GTF2H1: variants seen among roughly 807,000 people sequenced by gnomAD.
GTF2H1 encodes BTF2 p62.
In GTF2H1, 16 loss-of-function variants were observed where a neutral mutation model predicts 71.2. The ratio of observed to expected loss-of-function variants is 0.22; its 90% confidence interval spans 0.15 to 0.34. The LOEUF is 0.34. Ranked by LOEUF, GTF2H1 falls within the 10% of genes least tolerant of loss-of-function variation. GTF2H1 has a pLI of 1.00. For synonymous variants in GTF2H1, 215 were observed against 219.0 expected (o/e 0.98, Z 0.16); for missense variants, 498 against 648.2 (o/e 0.77, Z 2.52).
chr11:18,335,859 AAG>A lies in GTF2H1; in HGVS notation c.263_264del (p.Glu88AlafsTer21). On this transcript the variant is annotated frameshift_variant, in exon 3 of 15. Coordinates refer to ENST00000265963, the MANE Select transcript of GTF2H1 (RefSeq NM_005316.4). LOFTEE classifies it high-confidence loss of function. Reference sequence around the variant, plus strand: ...TTTTCCAATGAAAGCACAGCAGTGAAAGAGCGAGATGCAGTAAAAGACCTTCT... The same window carrying A: ...TTTTCCAATGAAAGCACAGCAGTGAAAGCGAGATGCAGTAAAAGACCTTCT... 1 of 1,614,100 alleles carries A rather than the reference AAG, an allele frequency of 6.2e-7. No individual in the cohort carries two copies. Among genetic ancestry groups the A allele is most frequent in the Non-Finnish European group, 8.5e-7 (1 of 1,179,906 alleles).
chr11:18,346,433 C>T (rs989239848), intron 7 of GTF2H1, among the ~76,000 whole-genome samples: 3 of 152,112 alleles, frequency 2.0e-5, no homozygotes, highest in African/African-American at 7.2e-5. Flanking sequence ...GAACCTTTTT[C>T]GAACCCTCTT....
intron 9 of GTF2H1, among the ~76,000 whole-genome samples, chr11:18,349,231 C>G (rs986263145): frequency 3.9e-5 from 6 of 152,124 alleles, no homozygotes; most frequent in Non-Finnish European, 7.4e-5. Context: ...GCATGTATTA[C>G]CTATAAAATT....
At chr11:18,348,757 T>A (rs1865358021) in intron 9 of GTF2H1, 1 of 152,206 alleles carries the variant, frequency 6.6e-6, no homozygotes, top group South Asian at 2.1e-4. Flanking sequence ...ACAAAAAAAA[T>A]AGTTTGTGAG....
rs117768133 is a variant in GTF2H1 at position 18,324,467 on chromosome 11, T to C, written c.-16+1727T>C. ...GCCAGCGACCAGCACCAGTCCTGGG[T>C]TGTGAATGCTTCCTGTGTGTACTGC... is the stretch of plus-strand genomic sequence containing the variant. On this transcript the variant is annotated intron_variant, in intron 1 of 14. Coordinates refer to ENST00000265963, the MANE Select transcript of GTF2H1 (RefSeq NM_005316.4). Among the ~76,000 whole-genome samples, 16 of 152,288 alleles carry C rather than the reference T, an allele frequency of 1.1e-4. No homozygotes were observed. In the East Asian group the frequency reaches 3.1e-3, roughly 29 times the overall value.
intron 14 of GTF2H1, among the ~76,000 whole-genome samples, chr11:18,365,028 G>A (rs1056118455): frequency 8.9e-5 from 13 of 145,896 alleles, no homozygotes; most frequent in Non-Finnish European, 1.2e-4. Context: ...CCAGGAGTTC[G>A]AGACCAGCCT....
chr11:18,322,901 G>C (rs1306367110), intron 1 of GTF2H1, among the ~76,000 whole-genome samples, 161 bp downstream of exon 1: 1 of 152,158 alleles, frequency 6.6e-6, no homozygotes, highest in Non-Finnish European at 1.5e-5. Flanking sequence ...CCCTTATCCC[G>C]AGGCGAGGAA....
chr11:18,323,368 C>T (rs779616939), intron 1 of GTF2H1, among the ~76,000 whole-genome samples: 61 of 151,968 alleles, frequency 4.0e-4, no homozygotes, highest in Non-Finnish European at 6.8e-4. Context: ...GTGATAATAG[C>T]TCACTGTAAC....
chr11:18,353,686 A>G (rs944358035), intron 11 of GTF2H1, among the ~76,000 whole-genome samples: 1 of 152,132 alleles, frequency 6.6e-6, no homozygotes, highest in Non-Finnish European at 1.5e-5. Context: ...GTGTATACCT[A>G]TATTACGTTA....
Position 18,366,054 on chromosome 11 carries a change from C to G in GTF2H1, c.*185C>G, listed in dbSNP as rs886103231. 78 of 585,356 alleles carry G rather than the reference C, an allele frequency of 1.3e-4. No homozygotes were observed. In the Admixed American group the frequency reaches 2.3e-3, roughly 17 times the overall value. The allele number at this position is 585,356 out of a possible 1,614,324, so 36.3% of individuals were successfully genotyped here. On this transcript the variant is annotated 3_prime_UTR_variant, in exon 15 of 15. Coordinates refer to ENST00000265963, the MANE Select transcript of GTF2H1 (RefSeq NM_005316.4). ...TTGGAGACTGAAAGGAAAGAAGGGA[C>G]TAAATGCTGGGGAGGTAAATTAAGA...
chr11:18,328,529 AT>A (rs1864822656), intron 1 of GTF2H1, among the ~76,000 whole-genome samples: 1 of 143,122 alleles, frequency 7.0e-6, no homozygotes, highest in Admixed American at 7.1e-5. Context: ...AAAAAAAAAA[AT>A]TTTATGGAAT....
chr11:18,351,237 A>AAAAAATTT (rs59500473), intron 9 of GTF2H1, among the ~76,000 whole-genome samples: 2 of 151,132 alleles, frequency 1.3e-5, no homozygotes, highest in South Asian at 4.2e-4. Flanking sequence ...GAAAAAAAAA[A>AAAAAATTT]TTTTTTAAGC....
At chr11:18,325,678 G>GA (rs146746108) in intron 1 of GTF2H1, among the ~76,000 whole-genome samples, 6,544 of 147,838 alleles carry the variant, frequency 0.044, 465 homozygotes, top group African/African-American at 0.15. Flanking sequence ...AACATAGACT[G>GA]AAAAAAAAAA....
chr11:18,358,120 T>C, intron 12 of GTF2H1, 78 bp downstream of exon 12: 1 of 925,344 alleles, frequency 1.1e-6, no homozygotes, highest in South Asian at 1.4e-5. Flanking sequence ...GCTGAACTTT[T>C]ATTGGTTTTT....
intron 4 of GTF2H1, 149 bp from the exon 5 acceptor site, chr11:18,339,415 C>T (rs925228610): frequency 1.8e-6 from 1 of 549,238 alleles, no homozygotes; most frequent in Non-Finnish European, 3.2e-6. Flanking sequence ...TGAGTCCTGC[C>T]TCTGTGCAAA....
At chr11:18,347,399 A>G in intron 7 of GTF2H1, 189 bp from the exon 8 acceptor site, 1 of 504,124 alleles carries the variant, frequency 2.0e-6, no homozygotes, top group South Asian at 3.3e-5. Context: ...TGCTAAAACG[A>G]GTTAGTGCTA....
chr11:18,322,965 A>G (rs1035455025), intron 1 of GTF2H1, among the ~76,000 whole-genome samples: 1 of 152,232 alleles, frequency 6.6e-6, no homozygotes, highest in Non-Finnish European at 1.5e-5. Context: ...AATTGAGAGC[A>G]GGTTTACCCA....
chr11:18,365,307 G>C (rs1865796159), intron 14 of GTF2H1, among the ~76,000 whole-genome samples: 1 of 152,056 alleles, frequency 6.6e-6, no homozygotes, highest in Non-Finnish European at 1.5e-5. Flanking sequence ...GGACCTGTGA[G>C]GTGGAGGCTG....
chr11:18,339,840 C>T (rs942079161), intron 5 of GTF2H1, among the ~76,000 whole-genome samples, 183 bp downstream of exon 5: 1 of 152,172 alleles, frequency 6.6e-6, no homozygotes, highest in Non-Finnish European at 1.5e-5. Flanking sequence ...GTCATCAGTT[C>T]ACTAATATGA....
At chr11:18,360,260 C>A (rs971952716) in intron 13 of GTF2H1, among the ~76,000 whole-genome samples, 2 of 151,986 alleles carry the variant, frequency 1.3e-5, no homozygotes, top group Admixed American at 6.6e-5. Flanking sequence ...GTAGCTGGGA[C>A]TACAGGCGTG....
Sources: gnomAD v4.1 joint callset for allele counts (sites outside exome capture counted in the v4.1 genomes callset) on GRCh38, gnomAD v4.1.1 for gene constraint, MANE v1.5 for transcripts, NCBI Gene and HGNC (gene_info 2026-07-23, HGNC 2026-07-21) for gene names.